The following PTPRD variants were observed in gnomAD, a reference collection of about 807,000 sequenced individuals.
PTPRD encodes the protein protein tyrosine phosphatase receptor type D.
Under a neutral mutation model 214.5 loss-of-function variants are expected in PTPRD, and 34 were observed. That is an observed-to-expected ratio of 0.16 (90% CI 0.12 to 0.21). The LOEUF is 0.21. PTPRD is among the 10% of genes least tolerant of loss of function. The pLI, the probability that PTPRD is intolerant of heterozygous loss-of-function variation, is 1.00. For synonymous variants in PTPRD, 1,128 were observed against 845.7 expected, an observed-to-expected ratio of 1.33 and a Z score of -5.79; for missense variants, 2,545 against 2,398.7, an observed-to-expected ratio of 1.06 and a Z score of -1.27.
At chr9:8,621,177 C>T (rs2095808829) in intron 14 of PTPRD, among the ~76,000 whole-genome samples, 1 of 151,902 alleles carries the variant, frequency 6.6e-6, no homozygotes, top group South Asian at 2.1e-4. Flanking sequence ...ACACCAATTA[C>T]TTCCCCTCCA....
chr9:10,299,328 G>T (rs2095791415), intron 3 of PTPRD, among the ~76,000 whole-genome samples: 1 of 152,088 alleles, frequency 6.6e-6, no homozygotes, highest in Non-Finnish European at 1.5e-5. Flanking sequence ...AATCTGTAAT[G>T]TGTGTGCTTT....
chr9:10,436,273 C>A (rs2098716766), intron 2 of PTPRD, among the ~76,000 whole-genome samples: 1 of 151,670 alleles, frequency 6.6e-6, no homozygotes, highest in South Asian at 2.1e-4. Context: ...TATATGTATA[C>A]ACACATATAT....
At chr9:8,766,727 T>A (rs575610259) in intron 11 of PTPRD, among the ~76,000 whole-genome samples, 8 of 152,312 alleles carry the variant, frequency 5.3e-5, no homozygotes, top group Non-Finnish European at 8.8e-5. Context: ...CACCAAAAGT[T>A]GGGTAAATAA....
intron 21 of PTPRD, among the ~76,000 whole-genome samples, chr9:8,515,526 T>A (rs924011972): frequency 2.0e-5 from 3 of 152,172 alleles, no homozygotes; most frequent in African/African-American, 7.2e-5. Flanking sequence ...TGCAATGGAA[T>A]TAGTTAAGAT....
At chr9:9,909,973 A>C (rs1464222954) in intron 5 of PTPRD, among the ~76,000 whole-genome samples, 1 of 152,002 alleles carries the variant, frequency 6.6e-6, no homozygotes, top group Non-Finnish European at 1.5e-5. Flanking sequence ...TCATCCTATC[A>C]GTTAGAGAAA....
chr9:9,698,395 T>A lies in PTPRD; in HGVS notation c.-287+36138A>T, dbSNP rs191685394. On this transcript the variant is annotated intron_variant, in intron 7 of 45. Coordinates refer to ENST00000381196, the MANE Select transcript of PTPRD (RefSeq NM_002839.4). The stretch of plus-strand genomic sequence containing the variant: ...CCTTAAGCCCGGGTTTGTCTTGGCT[T>A]TAGTGAAATTCAGTGTGTTGCCTGT... 3.1e-3 allele frequency among the ~76,000 whole-genome samples: 474 copies of A among 152,264 alleles called. 2 individuals carry two copies. The highest frequency in any genetic ancestry group is 0.011 in the African/African-American group (444 of 41,556).
intron 2 of PTPRD, among the ~76,000 whole-genome samples, chr9:10,591,038 AGG>A (rs2075314492): frequency 6.6e-6 from 1 of 151,976 alleles, no homozygotes; most frequent in Non-Finnish European, 1.5e-5. Context: ...CCTTGAGGGA[AGG>A]ACTACTTACA....
chr9:10,370,938 T>C (rs1293662292), intron 2 of PTPRD, among the ~76,000 whole-genome samples: 2 of 152,032 alleles, frequency 1.3e-5, no homozygotes, highest in East Asian at 3.9e-4. Context: ...TTGCCTGAAG[T>C]ATTTCTGTTT....
At chr9:8,549,357 G>C (rs1258650950) in intron 14 of PTPRD, among the ~76,000 whole-genome samples, 1 of 152,096 alleles carries the variant, frequency 6.6e-6, no homozygotes, top group Non-Finnish European at 1.5e-5. Flanking sequence ...TAATATAAAA[G>C]ACACAAGAAG....
rs1216816813 is a variant in PTPRD at position 9,830,846 on chromosome 9, C to T, written c.-367-63995G>A. Among the ~76,000 whole-genome samples, 3 of 151,944 alleles carry T rather than the reference C, an allele frequency of 2.0e-5. No individual in the cohort carries two copies. In the East Asian group the frequency reaches 5.8e-4, roughly 29 times the overall value. ...TTCTAGCCTTGTTTTCAAAATCTAT[C>T]CAATATATTCCTTTTCTACTTAATT... On this transcript the variant is annotated intron_variant, in intron 5 of 45. Transcript: ENST00000381196.
At chr9:10,083,557 G>A (rs1297800646) in intron 3 of PTPRD, among the ~76,000 whole-genome samples, 3 of 151,962 alleles carry the variant, frequency 2.0e-5, no homozygotes, top group Non-Finnish European at 2.9e-5. Flanking sequence ...AAGTTTTAAT[G>A]AGAACTTAAT....
intron 39 of PTPRD, among the ~76,000 whole-genome samples, chr9:8,375,452 T>G (rs1309685909): frequency 1.3e-5 from 2 of 152,026 alleles, no homozygotes; most frequent in Admixed American, 6.6e-5. Context: ...TCATGAGACT[T>G]GATATTACTA....
At chr9:9,982,483 T>G (rs1199175684) in intron 4 of PTPRD, among the ~76,000 whole-genome samples, 1 of 9,594 alleles carries the variant, frequency 1.0e-4, no homozygotes, top group African/African-American at 2.3e-4. Context: ...GTGGTGTGTG[T>G]GTGTGTGTGT....
intron 11 of PTPRD, among the ~76,000 whole-genome samples, chr9:8,740,777 TA>T (rs1435077298): frequency 6.6e-6 from 1 of 152,184 alleles, no homozygotes; most frequent in East Asian, 1.9e-4. Flanking sequence ...GTTTAAGAGC[TA>T]TTACATATAA....
At chr9:10,404,156 A>G (rs1055810293) in intron 2 of PTPRD, among the ~76,000 whole-genome samples, 1 of 151,822 alleles carries the variant, frequency 6.6e-6, no homozygotes, top group African/African-American at 2.4e-5. Context: ...GCTGAAAACA[A>G]TAAAGTTGAC....
At chr9:8,378,629 C>A (rs776816970) in intron 37 of PTPRD, among the ~76,000 whole-genome samples, 1 of 151,954 alleles carries the variant, frequency 6.6e-6, no homozygotes, top group Non-Finnish European at 1.5e-5. Flanking sequence ...GGAGAGCAAC[C>A]CTTTCGGTTT....
At chr9:10,468,051 T>C (rs1024356231) in intron 2 of PTPRD, among the ~76,000 whole-genome samples, 1 of 152,170 alleles carries the variant, frequency 6.6e-6, no homozygotes, top group African/African-American at 2.4e-5. Context: ...ACACTGTTGG[T>C]GGGAGTGTAA....
chr9:10,078,721 G>A (rs1006641951), intron 3 of PTPRD, among the ~76,000 whole-genome samples: 2 of 151,826 alleles, frequency 1.3e-5, no homozygotes, highest in Non-Finnish European at 2.9e-5. Context: ...TCTTCTGATT[G>A]CTGTTTCAAA....
At chr9:8,805,835 A>G (rs1372988156) in intron 11 of PTPRD, among the ~76,000 whole-genome samples, 1 of 150,896 alleles carries the variant, frequency 6.6e-6, no homozygotes, top group Admixed American at 6.6e-5. Context: ...CTCTAGTAGA[A>G]ATACAAAAAA....
Sources: allele counts gnomAD v4.1 joint callset (sites outside exome capture counted in the v4.1 genomes callset), GRCh38; gene constraint gnomAD v4.1.1; transcripts MANE v1.5; gene names NCBI Gene and HGNC (gene_info 2026-07-23, HGNC 2026-07-21).